Variants in FAM222B observed in about 807,000 individuals in gnomAD.
The protein encoded by FAM222B is family with sequence similarity 222 member B, also known as protein FAM222B.
FAM222B carries 12 observed loss-of-function variants against 38.0 expected under a neutral mutation model. That is an observed-to-expected ratio of 0.32 (90% CI 0.20 to 0.51). The LOEUF (loss-of-function observed/expected upper bound fraction) is 0.51. Among genes scored for constraint, FAM222B ranks in the 20% least tolerant of loss-of-function variants. FAM222B has a pLI of 0.97. For synonymous variants in FAM222B, 329 were observed against 317.2 expected (o/e 1.04, Z -0.40); for missense variants, 716 against 754.2 (o/e 0.95, Z 0.59).
At chr17:28,764,411 C>A (rs1255316633) in intron 2 of FAM222B, among the ~76,000 whole-genome samples, 1 of 152,054 alleles carries the variant, frequency 6.6e-6, no homozygotes, top group Non-Finnish European at 1.5e-5. Flanking sequence ...CACTGCACTC[C>A]AGCCTGGGTG....
chr17:28,852,093 C>A (rs966436350), intron 1 of FAM222B, among the ~76,000 whole-genome samples: 2 of 151,386 alleles, frequency 1.3e-5, no homozygotes, highest in African/African-American at 4.9e-5. Flanking sequence ...CGTGGCCTGG[C>A]GCGGTGGCTC....
chr17:28,769,879 A>G (rs1361130451), intron 1 of FAM222B, among the ~76,000 whole-genome samples: 1 of 152,066 alleles, frequency 6.6e-6, no homozygotes, highest in African/African-American at 2.4e-5. Flanking sequence ...CTTGCCCCAG[A>G]TGTCTACTTA....
At chr17:28,790,915 T>TTTTTTTTTTTTTTTA (rs752443903) in intron 1 of FAM222B, among the ~76,000 whole-genome samples, 2 of 121,088 alleles carry the variant, frequency 1.7e-5, no homozygotes, top group Admixed American at 9.0e-5. Context: ...TTTTTTTTTT[T>TTTTTTTTTTTTTTTA]AGAGACAGAA....
At chr17:28,819,835 T>C (rs562542777) in intron 1 of FAM222B, among the ~76,000 whole-genome samples, 1 of 152,332 alleles carries the variant, frequency 6.6e-6, no homozygotes, top group African/African-American at 2.4e-5. Context: ...CAACTGTCTT[T>C]GCTGTGAAAG....
intron 1 of FAM222B, among the ~76,000 whole-genome samples, chr17:28,804,094 T>A (rs1197168930): frequency 7.9e-5 from 12 of 152,172 alleles, no homozygotes; most frequent in Non-Finnish European, 1.5e-5. Context: ...TCAGTGTGAT[T>A]AAGTAACAAA....
chr17:28,806,755 AG>A (rs964247853), intron 1 of FAM222B, among the ~76,000 whole-genome samples: 38 of 152,288 alleles, frequency 2.5e-4, no homozygotes, highest in African/African-American at 8.9e-4. Context: ...AAAGCCTCTC[AG>A]GGTAGATATA....
At chr17:28,828,999 G>C (rs775377757) in intron 1 of FAM222B, among the ~76,000 whole-genome samples, 1 of 151,950 alleles carries the variant, frequency 6.6e-6, no homozygotes, top group African/African-American at 2.4e-5. Context: ...TCCGACTCCC[G>C]GGTTCAAGCG....
chr17:28,805,678 CAA>C (rs2037461731), intron 1 of FAM222B, among the ~76,000 whole-genome samples: 1 of 151,440 alleles, frequency 6.6e-6, no homozygotes, highest in East Asian at 1.9e-4. Context: ...AAGAGAAACA[CAA>C]AAAAGTGGGA....
At chr17:28,790,884 C>CATTTTTTTTTTT (rs71135852) in intron 1 of FAM222B, among the ~76,000 whole-genome samples, 933 of 86,070 alleles carry the variant, frequency 0.011, 358 homozygotes, top group Middle Eastern at 0.015. Flanking sequence ...AATTGTTTCA[C>CATTTTTTTTTTT]TTTTTTTTTT....
Position 28,758,266 on chromosome 17 carries a change from C to T in FAM222B, c.*4G>A, listed in dbSNP as rs777871811. On this transcript the variant is annotated 3_prime_UTR_variant, in exon 3 of 3. Coordinates refer to ENST00000581407, the MANE Select transcript of FAM222B (RefSeq NM_001077498.3). ...GTGTTGCACGTGGAGGGCAGCAGGGCTACCTATCTATACCCTGGGTGCTGA... is the reference window on the plus strand; with the variant it reads ...GTGTTGCACGTGGAGGGCAGCAGGGTTACCTATCTATACCCTGGGTGCTGA... 3 of 1,558,722 alleles carry T rather than the reference C, an allele frequency of 1.9e-6. No homozygotes were observed. Among genetic ancestry groups the T allele is most frequent in the East Asian group, 2.3e-5 (1 of 44,400 alleles).
chr17:28,813,528 T>A (rs977344637), intron 1 of FAM222B, among the ~76,000 whole-genome samples: 16 of 151,850 alleles, frequency 1.1e-4, no homozygotes, highest in Admixed American at 8.5e-4. Context: ...TTGTTTCTTT[T>A]TTTTTTGTTT....
intron 1 of FAM222B, among the ~76,000 whole-genome samples, chr17:28,852,324 C>T (rs1415528372): frequency 6.6e-6 from 1 of 151,856 alleles, no homozygotes; most frequent in African/African-American, 2.4e-5. Context: ...CCACTGCACT[C>T]CAGCCTGGGC....
At chr17:28,810,631 T>C (rs1401294340) in intron 1 of FAM222B, among the ~76,000 whole-genome samples, 1 of 152,186 alleles carries the variant, frequency 6.6e-6, no homozygotes, top group African/African-American at 2.4e-5. Context: ...CCCCTTTCCC[T>C]CCCAATTTAA....
At chr17:28,811,651 G>A (rs1472830189) in intron 1 of FAM222B, among the ~76,000 whole-genome samples, 1 of 152,232 alleles carries the variant, frequency 6.6e-6, no homozygotes, top group Non-Finnish European at 1.5e-5. Flanking sequence ...TTCTCCAACA[G>A]AGATGAGCTA....
chr17:28,762,428 C>A (rs989382949), intron 2 of FAM222B, among the ~76,000 whole-genome samples: 2 of 150,958 alleles, frequency 1.3e-5, no homozygotes, highest in Non-Finnish European at 2.9e-5. Flanking sequence ...GAGTTCAAGA[C>A]CAGCCTGCCC....
chr17:28,832,649 G>A (rs1235744331), intron 1 of FAM222B, among the ~76,000 whole-genome samples: 5 of 152,214 alleles, frequency 3.3e-5, no homozygotes, highest in Non-Finnish European at 7.4e-5. Flanking sequence ...CTCTATAATT[G>A]AGAGTTAACT....
At chr17:28,804,460 G>A (rs982158718) in intron 1 of FAM222B, among the ~76,000 whole-genome samples, 2 of 151,820 alleles carry the variant, frequency 1.3e-5, no homozygotes, top group African/African-American at 4.8e-5. Flanking sequence ...TCAGCCTCCC[G>A]AGTAGCTGGG....
At chr17:28,777,469 A>G (rs2036177688) in intron 1 of FAM222B, among the ~76,000 whole-genome samples, 1 of 152,076 alleles carries the variant, frequency 6.6e-6, no homozygotes, top group Non-Finnish European at 1.5e-5. Context: ...ATTCTTTATT[A>G]TTCAGGTACC....
chr17:28,814,548 C>T (rs2037939417), intron 1 of FAM222B, among the ~76,000 whole-genome samples: 1 of 152,138 alleles, frequency 6.6e-6, no homozygotes, highest in Non-Finnish European at 1.5e-5. Flanking sequence ...TGACTCACTG[C>T]AACCTCCGCC....
Sources: allele counts gnomAD v4.1 joint callset (sites outside exome capture counted in the v4.1 genomes callset), GRCh38; gene constraint gnomAD v4.1.1; transcripts MANE v1.5; gene names NCBI Gene and HGNC (gene_info 2026-07-23, HGNC 2026-07-21).